The following ATXN8OS variants were observed in gnomAD, a reference collection of about 807,000 sequenced individuals.
ATXN8OS encodes ATXN8 opposite strand (non-protein coding).
chr13:70,113,779 A>G (rs536461283), intron 1 of ATXN8OS, among the ~76,000 whole-genome samples: 3 of 152,290 alleles, frequency 2.0e-5, no homozygotes, highest in South Asian at 4.1e-4. Flanking sequence ...CATATTTGCC[A>G]AAACTTTATA....
chr13:70,154,882 C>T lies in ATXN8OS; in HGVS notation n.573+7454C>T, dbSNP rs534620427. Among the ~76,000 whole-genome samples the T allele has an allele frequency of 2.3e-3, 351 of 152,278 alleles. 1 individual carries two copies. Among genetic ancestry groups the T allele is most frequent in the Non-Finnish European group, 4.0e-3 (273 of 68,026 alleles). On this transcript the variant is annotated intron_variant and non_coding_transcript_variant, in intron 4 of 4. Coordinates refer to ENST00000678624, the Ensembl canonical transcript of ATXN8OS. ...CCATAGCGAAGGTTATAGGATAAGCCGGTGCCCAGGCAAACCTAGATAATG... is the reference window on the plus strand; with the variant it reads ...CCATAGCGAAGGTTATAGGATAAGCTGGTGCCCAGGCAAACCTAGATAATG...
At chr13:70,129,009 C>T (rs1888486058) in intron 2 of ATXN8OS, among the ~76,000 whole-genome samples, 1 of 152,124 alleles carries the variant, frequency 6.6e-6, no homozygotes, top group South Asian at 2.1e-4. Flanking sequence ...TACAGGCATG[C>T]ACCACCACGC....
intron 3 of ATXN8OS, among the ~76,000 whole-genome samples, chr13:70,143,054 T>C (rs954329740): frequency 9.4e-5 from 14 of 148,342 alleles, no homozygotes; most frequent in African/African-American, 3.5e-4. Context: ...GCAACAACAG[T>C]GAAACTCCGT....
chr13:70,140,806 GA>G (rs201060461), intron 3 of ATXN8OS, among the ~76,000 whole-genome samples: 39 of 147,616 alleles, frequency 2.6e-4, no homozygotes, highest in Non-Finnish European at 4.1e-4. Flanking sequence ...TTATTTGAAA[GA>G]AAAAAAAAAG....
chr13:70,157,507 AGATATC>A (rs373879871), intron 4 of ATXN8OS, among the ~76,000 whole-genome samples: 6 of 84,726 alleles, frequency 7.1e-5, no homozygotes, highest in Non-Finnish European at 2.0e-4. Flanking sequence ...CACATGACTA[AGATATC>A]CAGAGATTTG....
chr13:70,155,388 A>C (rs936785232), intron 4 of ATXN8OS, among the ~76,000 whole-genome samples: 1 of 152,264 alleles, frequency 6.6e-6, no homozygotes. Context: ...TTGGTCCATA[A>C]GAAACATACC....
chr13:70,109,707 T>A (rs1302481907), intron 1 of ATXN8OS, among the ~76,000 whole-genome samples: 2 of 152,206 alleles, frequency 1.3e-5, no homozygotes, highest in Non-Finnish European at 2.9e-5. Context: ...GTTTTTTGTT[T>A]ATTAAGCAAA....
At chr13:70,149,731 A>C (rs1195491354) in intron 4 of ATXN8OS, among the ~76,000 whole-genome samples, 1 of 152,140 alleles carries the variant, frequency 6.6e-6, no homozygotes, top group Non-Finnish European at 1.5e-5. Flanking sequence ...GAAATCTTTC[A>C]GCTACTGCTG....
chr13:70,151,285 A>G (rs1411809374), intron 4 of ATXN8OS, among the ~76,000 whole-genome samples: 5 of 152,106 alleles, frequency 3.3e-5, no homozygotes, highest in South Asian at 4.1e-4. Context: ...TATACATTGC[A>G]CAATTCTTCA....
At chr13:70,138,022 G>C (rs951232279) in intron 3 of ATXN8OS, among the ~76,000 whole-genome samples, 4 of 152,276 alleles carry the variant, frequency 2.6e-5, no homozygotes, top group Admixed American at 2.6e-4. Context: ...CAGACCTTGA[G>C]AGAACTTATT....
intron 4 of ATXN8OS, among the ~76,000 whole-genome samples, chr13:70,169,378 C>A (rs941129979): frequency 6.6e-5 from 10 of 152,040 alleles, no homozygotes; most frequent in Admixed American, 5.9e-4. Flanking sequence ...CTCACTGCAA[C>A]CTCCACCTGC....
At chr13:70,153,041 TG>T (rs1321893727) in intron 4 of ATXN8OS, among the ~76,000 whole-genome samples, 2 of 151,552 alleles carry the variant, frequency 1.3e-5, no homozygotes, top group Non-Finnish European at 2.9e-5. Flanking sequence ...TGTGTGTGTG[TG>T]TGTGTGTGTG....
intron 3 of ATXN8OS, among the ~76,000 whole-genome samples, chr13:70,136,115 C>A (rs374623826): frequency 3.9e-5 from 6 of 152,114 alleles, no homozygotes; most frequent in African/African-American, 7.2e-5. Flanking sequence ...TGCAAAGAGG[C>A]ATTTCTTTTG....
intron 4 of ATXN8OS, among the ~76,000 whole-genome samples, chr13:70,161,616 T>A (rs931265429): frequency 1.3e-5 from 2 of 150,836 alleles, no homozygotes; most frequent in African/African-American, 4.8e-5. Context: ...TAGATATCAT[T>A]GCCTAACACA....
At chr13:70,170,394 G>A (rs923274296) in exon 5 of ATXN8OS, among the ~76,000 whole-genome samples, 19 of 152,142 alleles carry the variant, frequency 1.2e-4, no homozygotes, top group Non-Finnish European at 1.9e-4. Context: ...GTGTTTATAT[G>A]CAATACATTT....
intron 3 of ATXN8OS, chr13:70,139,539 G>T: frequency 4.1e-6 from 2 of 491,958 alleles, no homozygotes; most frequent in South Asian, 4.2e-5. Flanking sequence ...TATGAATAAA[G>T]AATTGATTTT....
chr13:70,120,792 A>G (rs1888349134), intron 2 of ATXN8OS, among the ~76,000 whole-genome samples: 1 of 152,030 alleles, frequency 6.6e-6, no homozygotes, highest in South Asian at 2.1e-4. Context: ...GAAGCTGGAA[A>G]CCATCATTCT....
chr13:70,161,671 T>G (rs1035795103), intron 4 of ATXN8OS, among the ~76,000 whole-genome samples: 5 of 150,824 alleles, frequency 3.3e-5, no homozygotes, highest in Non-Finnish European at 7.4e-5. Context: ...CATGAGAACT[T>G]AAGCTCCATG....
At chr13:70,128,858 C>CTT (rs34976551) in intron 2 of ATXN8OS, among the ~76,000 whole-genome samples, 3 of 147,188 alleles carry the variant, frequency 2.0e-5, no homozygotes, top group East Asian at 2.0e-4. Context: ...ATCCCCCCAC[C>CTT]TTTTTTTTTT....
Sources: gnomAD v4.1 joint callset for allele counts (sites outside exome capture counted in the v4.1 genomes callset) on GRCh38, gnomAD v4.1.1 for gene constraint, MANE v1.5 for transcripts, NCBI Gene and HGNC (gene_info 2026-07-23, HGNC 2026-07-21) for gene names.